Variants in SPATA6 observed in about 807,000 individuals in gnomAD.
SPATA6 encodes the protein spermatogenesis associated 6, also known as spermatogenesis-associated protein 6.
In SPATA6, 56 loss-of-function variants were observed where a neutral mutation model predicts 65.3. The observed-to-expected ratio is 0.86, with a 90% CI of 0.69 to 1.07. The LOEUF is 1.07. SPATA6 is among the 50% of genes least tolerant of loss of function. The pLI is 0.00. For synonymous variants in SPATA6, 199 were observed against 213.2 expected, an observed-to-expected ratio of 0.93 and a Z score of 0.58; for missense variants, 590 against 594.8, an observed-to-expected ratio of 0.99 and a Z score of 0.08.
chr1:48,347,962 C>T (rs1194859109), intron 11 of SPATA6, among the ~76,000 whole-genome samples: 1 of 151,976 alleles, frequency 6.6e-6, no homozygotes, highest in East Asian at 1.9e-4. Context: ...CCCCTGACCA[C>T]CAAAGCATCC....
At chr1:48,264,830 G>C in the SPATA6 span, among the ~76,000 whole-genome samples, 1 of 152,196 alleles carries the variant, frequency 6.6e-6, no homozygotes, top group Non-Finnish European at 1.5e-5. Context: ...GTAAACATAT[G>C]TGTGCATGAG....
At chr1:48,438,892 G>T (rs1038623434) in intron 3 of SPATA6, among the ~76,000 whole-genome samples, 17 of 152,220 alleles carry the variant, frequency 1.1e-4, no homozygotes, top group African/African-American at 4.1e-4. Flanking sequence ...AGGTGGGGGG[G>T]ACTATCTGGA....
At chr1:48,462,152 C>T (rs1292339162) in intron 1 of SPATA6, among the ~76,000 whole-genome samples, 1 of 151,140 alleles carries the variant, frequency 6.6e-6, no homozygotes, top group East Asian at 1.9e-4. Context: ...AATGAGAACA[C>T]ATGGACACAG....
At chr1:48,408,036 T>C (rs1406678415) in intron 5 of SPATA6, among the ~76,000 whole-genome samples, 1 of 152,194 alleles carries the variant, frequency 6.6e-6, no homozygotes, top group Non-Finnish European at 1.5e-5. Flanking sequence ...TACAGAAGCA[T>C]GCTAATGGAC....
At chr1:48,463,949 A>AT (rs60032625) in intron 1 of SPATA6, among the ~76,000 whole-genome samples, 9 of 151,850 alleles carry the variant, frequency 5.9e-5, no homozygotes, top group South Asian at 4.1e-4. Flanking sequence ...AAAAAGTGTC[A>AT]TTTTTTTACA....
chr1:48,409,981 A>T (rs547729422), intron 5 of SPATA6, among the ~76,000 whole-genome samples: 1 of 152,316 alleles, frequency 6.6e-6, no homozygotes, highest in African/African-American at 2.4e-5. Flanking sequence ...ATTAACATTC[A>T]GCTCCTTGTT....
the SPATA6 span, among the ~76,000 whole-genome samples, chr1:48,273,769 T>A: frequency 6.6e-6 from 1 of 152,238 alleles, no homozygotes; most frequent in Non-Finnish European, 1.5e-5. Flanking sequence ...TGGTTCCAAG[T>A]GTTTGCTATT....
intron 5 of SPATA6, among the ~76,000 whole-genome samples, chr1:48,404,292 T>C (rs1428870017): frequency 6.6e-6 from 1 of 152,188 alleles, no homozygotes; most frequent in Non-Finnish European, 1.5e-5. Context: ...GATTTAGCCA[T>C]TCCACAACGT....
At chr1:48,413,212 T>C (rs918948440) in intron 3 of SPATA6, 61 bp from the exon 4 acceptor site, 3 of 976,932 alleles carry the variant, frequency 3.1e-6, no homozygotes, top group Non-Finnish European at 2.8e-6. Flanking sequence ...AATTACTTAA[T>C]TTACCATGGG....
the SPATA6 span, among the ~76,000 whole-genome samples, chr1:48,269,179 T>C: frequency 6.6e-6 from 1 of 152,182 alleles, no homozygotes; most frequent in African/African-American, 2.4e-5. Context: ...TCTATACGTA[T>C]TCAAATAGCC....
chr1:48,428,271 A>G (rs907990837), intron 3 of SPATA6, among the ~76,000 whole-genome samples: 1 of 152,162 alleles, frequency 6.6e-6, no homozygotes, highest in Non-Finnish European at 1.5e-5. Context: ...CCTGACCAAC[A>G]TGGAGAAACC....
intron 11 of SPATA6, among the ~76,000 whole-genome samples, chr1:48,307,876 T>A (rs997847877): frequency 1.3e-5 from 2 of 151,950 alleles, no homozygotes; most frequent in Non-Finnish European, 2.9e-5. Context: ...AAAAAAATTC[T>A]CTTAAAGTCT....
intron 4 of SPATA6, among the ~76,000 whole-genome samples, chr1:48,412,706 C>T (rs567089025): frequency 6.6e-6 from 1 of 152,258 alleles, no homozygotes; most frequent in Admixed American, 6.5e-5. Flanking sequence ...GCAACCTCTG[C>T]CTCCCGGGTT....
rs781669150 is a variant in SPATA6, at chr1:48,423,564, C to CTTTTTTTTTTT, written c.239-10424_239-10414dup. Among the ~76,000 whole-genome samples, 13 of 121,062 alleles carry CTTTTTTTTTTT rather than the reference C, an allele frequency of 1.1e-4. 1 individual carries two copies. Among genetic ancestry groups the CTTTTTTTTTTT allele is most frequent in the African/African-American group, 2.1e-4 (6 of 29,150 alleles). 79.4% of individuals were successfully genotyped at this position (121,062 alleles called of 152,430 possible). ...AATGTTTAATTTTCTTTCTTTCTTT[C>CTTTTTTTTTTT]TTTTTTTTTTTTTTTTTTTGTCACA... On this transcript the variant is annotated intron_variant, in intron 3 of 12. Coordinates refer to ENST00000371847, the MANE Select transcript of SPATA6 (RefSeq NM_019073.4).
chr1:48,341,110 GA>G (rs1174164384), intron 11 of SPATA6, among the ~76,000 whole-genome samples: 1 of 152,162 alleles, frequency 6.6e-6, no homozygotes, highest in Non-Finnish European at 1.5e-5. Flanking sequence ...AGGATGGGGA[GA>G]AATTAGAATT....
At chr1:48,372,978 G>A (rs1171446422) in intron 9 of SPATA6, among the ~76,000 whole-genome samples, 2 of 152,132 alleles carry the variant, frequency 1.3e-5, no homozygotes, top group African/African-American at 2.4e-5. Context: ...TGGACCTCTC[G>A]GCCTGTGATT....
In SPATA6 at chr1:48,411,679, CCTT is replaced by C. The variant is rs2147982306; in HGVS notation, c.281-94_281-92del. On this transcript the variant is annotated intron_variant, in intron 4 of 12. Transcript: ENST00000371847. ...AGTATGATATATCTACTGCCTGATG[CCTT>C]ATTGAAATACCTGTTTTGGGTCATG... is the stretch of plus-strand genomic sequence containing the variant. 3 of 1,121,502 alleles carry C rather than the reference CCTT, an allele frequency of 2.7e-6. No individual in the cohort carries two copies. In the East Asian group the frequency reaches 9.6e-5, roughly 36 times the overall value. 69.5% of individuals were successfully genotyped at this position (1,121,502 alleles called of 1,614,324 possible).
At chr1:48,282,256 T>C in the SPATA6 span, among the ~76,000 whole-genome samples, 9 of 152,166 alleles carry the variant, frequency 5.9e-5, no homozygotes, top group African/African-American at 2.2e-4. Flanking sequence ...GGCATTACCA[T>C]TCAGGACATA....
intron 3 of SPATA6, 65 bp from the exon 4 acceptor site, chr1:48,413,216 C>T: frequency 1.1e-6 from 1 of 895,184 alleles, no homozygotes; most frequent in Non-Finnish European, 1.6e-6. Flanking sequence ...ACTTAATTTA[C>T]CATGGGAGTG....
Sources: gnomAD v4.1 joint callset for allele counts (sites outside exome capture counted in the v4.1 genomes callset) on GRCh38, gnomAD v4.1.1 for gene constraint, MANE v1.5 for transcripts, NCBI Gene and HGNC (gene_info 2026-07-23, HGNC 2026-07-21) for gene names.